The following SMYD3 variants were observed in gnomAD, a reference collection of about 807,000 sequenced individuals.
SMYD3 encodes SET and MYND domain containing 3.
In SMYD3, 36 loss-of-function variants were observed where a neutral mutation model predicts 57.7. That is an observed-to-expected ratio of 0.62 (90% CI 0.48 to 0.82). The LOEUF (loss-of-function observed/expected upper bound fraction) is 0.82. Among genes scored for constraint, SMYD3 ranks in the 40% least tolerant of loss-of-function variants. The pLI, the probability that SMYD3 is intolerant of heterozygous loss-of-function variation, is 0.00. For missense variants in SMYD3, 515 were observed against 538.8 expected (o/e 0.96, Z 0.44); for synonymous variants, 211 against 195.0 (o/e 1.08, Z -0.68).
chr1:245,858,242 T>C (rs989682998), intron 10 of SMYD3, among the ~76,000 whole-genome samples: 1 of 152,194 alleles, frequency 6.6e-6, no homozygotes, highest in African/African-American at 2.4e-5. Flanking sequence ...CTGCTCCAGA[T>C]AGAGACAGCA....
chr1:245,820,386 G>T (rs1182873711), intron 10 of SMYD3, among the ~76,000 whole-genome samples: 1 of 145,306 alleles, frequency 6.9e-6, no homozygotes, highest in Non-Finnish European at 1.5e-5. Context: ...GGTATTGATG[G>T]GATGTATTTC....
intron 5 of SMYD3, among the ~76,000 whole-genome samples, chr1:246,074,059 G>T (rs1455372646): frequency 6.6e-6 from 1 of 152,068 alleles, no homozygotes; most frequent in Non-Finnish European, 1.5e-5. Context: ...AAGTTTTTTT[G>T]TGTGATTTTT....
chr1:245,839,824 T>G (rs1163345204), intron 10 of SMYD3, among the ~76,000 whole-genome samples: 14 of 151,724 alleles, frequency 9.2e-5, no homozygotes, highest in Admixed American at 9.2e-4. Context: ...AACACTCAGT[T>G]CATTCAGAAA....
intron 8 of SMYD3, among the ~76,000 whole-genome samples, chr1:245,865,667 A>T (rs1042626190): frequency 1.6e-4 from 25 of 152,238 alleles, no homozygotes; most frequent in African/African-American, 5.8e-4. Context: ...ACTAACAGGT[A>T]GCCACCAGCC....
rs2147837330 is a variant in SMYD3, at chr1:245,927,949, G to A, written c.684C>T (p.Asp228=). 6.2e-7 allele frequency: 1 copy of A among 1,612,038 alleles called. No individual in the cohort carries two copies. Among genetic ancestry groups the A allele is most frequent in the Non-Finnish European group, 8.5e-7 (1 of 1,178,858 alleles). Reference sequence around the variant, plus strand: ...TCCTTACCTCCTCTCCCACCTCGATGTCTCGGACTGCTCGCAGTAAGAGGT... The same window carrying A: ...TCCTTACCTCCTCTCCCACCTCGATATCTCGGACTGCTCGCAGTAAGAGGT... ...GPHLLLRAVR[D]IEVGEELTIC... is the part of the protein sequence containing the mutation. The change falls in exon 7 of 12, where the codon GAC becomes GAT. Residue 228 remains aspartate (D), a synonymous_variant. Transcript: ENST00000490107.
At chr1:245,824,268 G>A (rs1457761453) in intron 10 of SMYD3, among the ~76,000 whole-genome samples, 2 of 152,222 alleles carry the variant, frequency 1.3e-5, no homozygotes, top group South Asian at 2.1e-4. Context: ...CAAATGACAC[G>A]AAGGAAGAGA....
chr1:246,081,041 TTTGA>T (rs1379036634), intron 5 of SMYD3, among the ~76,000 whole-genome samples: 1 of 128,528 alleles, frequency 7.8e-6, no homozygotes, highest in Admixed American at 7.0e-5. Context: ...TACCACTTTG[TTTGA>T]TTATCATAAA....
At chr1:246,030,544 TAGA>T (rs1447861932) in intron 5 of SMYD3, among the ~76,000 whole-genome samples, 1 of 151,918 alleles carries the variant, frequency 6.6e-6, no homozygotes, top group African/African-American at 2.4e-5. Flanking sequence ...TTCAAAAAGT[TAGA>T]GGAGAGTATT....
At chr1:246,221,544 C>A (rs1214760590) in intron 5 of SMYD3, among the ~76,000 whole-genome samples, 1 of 152,200 alleles carries the variant, frequency 6.6e-6, no homozygotes, top group Non-Finnish European at 1.5e-5. Context: ...TTCTTTGGGG[C>A]CCTGTGGTTC....
At chr1:246,300,327 T>C (rs781306747) in intron 5 of SMYD3, among the ~76,000 whole-genome samples, 8 of 152,202 alleles carry the variant, frequency 5.3e-5, no homozygotes, top group Non-Finnish European at 8.8e-5. Flanking sequence ...GCATGTATTA[T>C]AGACAATGGC....
intron 5 of SMYD3, among the ~76,000 whole-genome samples, chr1:245,935,521 T>C (rs1169003974): frequency 6.6e-6 from 1 of 152,180 alleles, no homozygotes; most frequent in Non-Finnish European, 1.5e-5. Context: ...AGAACTGCCA[T>C]ATAATCAAGC....
At chr1:246,227,954 TC>T (rs1477795939) in intron 5 of SMYD3, among the ~76,000 whole-genome samples, 2 of 138,402 alleles carry the variant, frequency 1.4e-5, no homozygotes, top group African/African-American at 5.5e-5. Flanking sequence ...TTATTTTTAT[TC>T]CTTTTTTTTT....
At chr1:246,141,953 C>T (rs1354052904) in intron 5 of SMYD3, among the ~76,000 whole-genome samples, 4 of 152,224 alleles carry the variant, frequency 2.6e-5, no homozygotes, top group African/African-American at 9.6e-5. Context: ...CTCTTCCTTA[C>T]TCTCACATTT....
At chr1:245,877,686 C>G (rs2052560235) in intron 8 of SMYD3, among the ~76,000 whole-genome samples, 1 of 152,190 alleles carries the variant, frequency 6.6e-6, no homozygotes, top group South Asian at 2.1e-4. Context: ...GGCCATGCAT[C>G]TGGCTTCAGT....
intron 5 of SMYD3, among the ~76,000 whole-genome samples, chr1:246,050,464 T>C (rs1215720902): frequency 2.0e-5 from 3 of 152,168 alleles, no homozygotes; most frequent in Non-Finnish European, 4.4e-5. Context: ...GTAGTCTGCC[T>C]AGAGGAACAA....
chr1:246,436,815 T>A (rs1340162860), intron 1 of SMYD3, among the ~76,000 whole-genome samples: 42 of 152,056 alleles, frequency 2.8e-4, no homozygotes, highest in Admixed American at 2.8e-3. Context: ...CCAAAGGTAA[T>A]GGTCATTGTT....
At chr1:246,083,178 C>G (rs1228713649) in intron 5 of SMYD3, among the ~76,000 whole-genome samples, 2 of 151,868 alleles carry the variant, frequency 1.3e-5, no homozygotes, top group Non-Finnish European at 2.9e-5. Context: ...AGGAAGGCAT[C>G]TGTCTCCTGC....
chr1:245,887,828 T>C (rs1437120839), intron 8 of SMYD3, among the ~76,000 whole-genome samples: 1 of 152,126 alleles, frequency 6.6e-6, no homozygotes, highest in Non-Finnish European at 1.5e-5. Context: ...CTATGATATA[T>C]GTCTCACATC....
chr1:245,902,170 G>A (rs1261728914), intron 8 of SMYD3, among the ~76,000 whole-genome samples: 1 of 152,096 alleles, frequency 6.6e-6, no homozygotes, highest in Non-Finnish European at 1.5e-5. Context: ...TGGACCAAGT[G>A]GTACAGCCAG....
Sources: allele counts gnomAD v4.1 joint callset (sites outside exome capture counted in the v4.1 genomes callset), GRCh38; gene constraint gnomAD v4.1.1; transcripts MANE v1.5; gene names NCBI Gene and HGNC (gene_info 2026-07-23, HGNC 2026-07-21).